The following NCOA1 variants were observed in gnomAD, a reference collection of about 807,000 sequenced individuals.
NCOA1 encodes Hin-2 protein.
In NCOA1, 35 loss-of-function variants were observed where a neutral mutation model predicts 150.9. The ratio of observed to expected loss-of-function variants is 0.23; its 90% CI spans 0.18 to 0.31. NCOA1 has a LOEUF of 0.31. Among genes scored for constraint, NCOA1 ranks in the 10% least tolerant of loss-of-function variants. The probability of loss-of-function intolerance (pLI) is 1.00; values close to 1 mark genes in which losing one functional copy is unlikely to be tolerated. For missense variants in NCOA1, 1,491 were observed against 1,749.3 expected, an observed-to-expected ratio of 0.85 and a Z score of 2.63; for synonymous variants, 590 against 630.0, an observed-to-expected ratio of 0.94 and a Z score of 0.95.
At chr2:24,605,604 T>C (rs1345232363) in intron 3 of NCOA1, among the ~76,000 whole-genome samples, 5 of 152,210 alleles carry the variant, frequency 3.3e-5, no homozygotes, top group Non-Finnish European at 7.3e-5. Flanking sequence ...TGCTGAGTTA[T>C]GGGGTTTGTG....
intron 21 of NCOA1, among the ~76,000 whole-genome samples, chr2:24,761,464 T>G (rs1025196501): frequency 2.6e-5 from 4 of 152,218 alleles, no homozygotes; most frequent in Non-Finnish European, 5.9e-5. Flanking sequence ...ATCCTTTTTA[T>G]ATCTTCCATA....
rs549774023 is a variant in NCOA1, at chr2:24,767,827, C to T, written c.4156-394C>T. ...AGTGACATCATAAAGATTTTTTATC[C>T]TACTGAAATCATCCATAGAATGGTT... On this transcript the variant is annotated intron_variant, in intron 22 of 22. Coordinates refer to ENST00000348332, the MANE Select transcript of NCOA1 (RefSeq NM_003743.5). 1,286 of 405,084 alleles carry T rather than the reference C, an allele frequency of 3.2e-3. 4 individuals are homozygous for T. Among genetic ancestry groups the T allele is most frequent in the Non-Finnish European group, 4.6e-3 (1,042 of 227,878 alleles). The allele number at this position is 405,084 out of a possible 1,614,324, so 25.1% of individuals were successfully genotyped here. A position where few individuals can be genotyped will look rare whatever the true frequency, so the allele number is the denominator to read the frequency against.
chr2:24,630,786 T>A (rs1039966876), intron 3 of NCOA1, among the ~76,000 whole-genome samples: 1 of 152,124 alleles, frequency 6.6e-6, no homozygotes, highest in African/African-American at 2.4e-5. Context: ...ATAAAAACAA[T>A]GAAATCACTT....
intron 11 of NCOA1, among the ~76,000 whole-genome samples, chr2:24,701,805 A>G (rs1480446607): frequency 1.3e-5 from 2 of 152,170 alleles, no homozygotes; most frequent in South Asian, 2.1e-4. Flanking sequence ...GAGCACAGGA[A>G]TTTGAGATCA....
intron 14 of NCOA1, among the ~76,000 whole-genome samples, chr2:24,715,489 T>C (rs1238966229): frequency 1.3e-5 from 2 of 152,178 alleles, no homozygotes; most frequent in East Asian, 3.8e-4. Flanking sequence ...GTGTCCTGCA[T>C]GTAGAAAATC....
intron 11 of NCOA1, among the ~76,000 whole-genome samples, chr2:24,698,729 T>C (rs1163524185): frequency 6.6e-6 from 1 of 152,204 alleles, no homozygotes; most frequent in East Asian, 1.9e-4. Flanking sequence ...TGAAAAACAA[T>C]TTAAAAATAT....
At chr2:24,497,777 T>C (rs1162612973) in intron 1 of NCOA1, among the ~76,000 whole-genome samples, 1 of 152,260 alleles carries the variant, frequency 6.6e-6, no homozygotes, top group Non-Finnish European at 1.5e-5. Context: ...TGGTTGGTTT[T>C]GGATTCTTAG....
chr2:24,602,616 ATAAG>A (rs909496318), intron 3 of NCOA1, among the ~76,000 whole-genome samples: 5 of 152,134 alleles, frequency 3.3e-5, no homozygotes, highest in African/African-American at 4.8e-5. Context: ...TGGCTAATAA[ATAAG>A]TAAGGTTAAA....
At chr2:24,734,882 G>A (rs1463038147) in intron 17 of NCOA1, among the ~76,000 whole-genome samples, 3 of 152,084 alleles carry the variant, frequency 2.0e-5, no homozygotes, top group African/African-American at 4.8e-5. Flanking sequence ...CATAATAGAC[G>A]GTTCTGCATA....
intron 7 of NCOA1, among the ~76,000 whole-genome samples, chr2:24,677,830 G>A (rs145711928): frequency 3.1e-4 from 47 of 152,212 alleles, no homozygotes; most frequent in Admixed American, 9.2e-4. Flanking sequence ...TTCACCAGGC[G>A]GCAGGAAAGA....
intron 1 of NCOA1, among the ~76,000 whole-genome samples, chr2:24,530,911 A>G (rs1190374085): frequency 1.3e-5 from 2 of 152,192 alleles, no homozygotes; most frequent in African/African-American, 4.8e-5. Flanking sequence ...ACTTCTTTAT[A>G]GCTCCATATC....
intron 3 of NCOA1, among the ~76,000 whole-genome samples, chr2:24,586,989 C>T (rs1394068093): frequency 6.6e-6 from 1 of 152,078 alleles, no homozygotes; most frequent in Non-Finnish European, 1.5e-5. Flanking sequence ...CTACCCTGGA[C>T]CCTTTCCCGT....
intron 7 of NCOA1, among the ~76,000 whole-genome samples, chr2:24,674,356 C>G (rs1671812932): frequency 6.6e-6 from 1 of 151,998 alleles, no homozygotes; most frequent in African/African-American, 2.4e-5. Flanking sequence ...CAGGCGCCTG[C>G]TACCACGCCT....
At chr2:24,550,829 C>G (rs1665796800) in intron 1 of NCOA1, among the ~76,000 whole-genome samples, 1 of 152,206 alleles carries the variant, frequency 6.6e-6, no homozygotes, top group Admixed American at 6.5e-5. Context: ...CTCTGATAGG[C>G]TGGGTGCAGT....
chr2:24,542,664 CTG>C (rs1338555017), intron 1 of NCOA1, among the ~76,000 whole-genome samples: 2 of 152,168 alleles, frequency 1.3e-5, no homozygotes, highest in Non-Finnish European at 2.9e-5. Flanking sequence ...GTTGGTCTCT[CTG>C]CAAGTTCGTA....
chr2:24,609,282 G>A (rs1000376764), intron 3 of NCOA1, among the ~76,000 whole-genome samples: 1 of 152,154 alleles, frequency 6.6e-6, no homozygotes, highest in East Asian at 1.9e-4. Flanking sequence ...TAGTTTTAGT[G>A]GGTTATGTAT....
At chr2:24,730,673 T>C (rs891209907) in intron 17 of NCOA1, among the ~76,000 whole-genome samples, 3 of 151,910 alleles carry the variant, frequency 2.0e-5, no homozygotes, top group African/African-American at 7.3e-5. Context: ...ATATTTAAGA[T>C]TGTATAAGCA....
intron 1 of NCOA1, among the ~76,000 whole-genome samples, chr2:24,495,218 A>G (rs1663152928): frequency 6.6e-6 from 1 of 151,942 alleles, no homozygotes; most frequent in Admixed American, 6.6e-5. Flanking sequence ...GAATAAGGGA[A>G]ATTATTATAA....
At chr2:24,570,005 A>G (rs1282545142) in intron 2 of NCOA1, among the ~76,000 whole-genome samples, 2 of 151,322 alleles carry the variant, frequency 1.3e-5, no homozygotes, top group Admixed American at 6.6e-5. Context: ...CCTTTTTTCA[A>G]TTTCTCAAGT....
Sources: gnomAD v4.1 joint callset for allele counts (sites outside exome capture counted in the v4.1 genomes callset) on GRCh38, gnomAD v4.1.1 for gene constraint, MANE v1.5 for transcripts, NCBI Gene and HGNC (gene_info 2026-07-23, HGNC 2026-07-21) for gene names.